The following PSMD14 variants were observed in gnomAD, a reference collection of about 807,000 sequenced individuals.
PSMD14 encodes ubiquitin C-terminal hydrolase PSMD14.
A neutral mutation model predicts 41.2 loss-of-function variants in PSMD14; 7 were observed. The ratio of observed to expected loss-of-function variants is 0.17; its 90% CI spans 0.10 to 0.32. PSMD14 has a LOEUF of 0.32. Ranked by LOEUF, PSMD14 falls within the 10% of genes least tolerant of loss-of-function variation. The probability of loss-of-function intolerance (pLI) is 1.00; values close to 1 mark genes in which losing one functional copy is unlikely to be tolerated. For synonymous variants in PSMD14, 114 were observed against 122.3 expected (o/e 0.93, Z 0.45); for missense variants, 139 against 375.6 (o/e 0.37, Z 5.21).
chr2:161,325,666 C>T (rs1682684399), intron 3 of PSMD14, among the ~76,000 whole-genome samples: 1 of 152,092 alleles, frequency 6.6e-6, no homozygotes, highest in African/African-American at 2.4e-5. Flanking sequence ...CAAACTGACT[C>T]TAGAATTCAT....
chr2:161,388,229 A>G (rs1683658409), intron 8 of PSMD14, among the ~76,000 whole-genome samples: 1 of 152,086 alleles, frequency 6.6e-6, no homozygotes, highest in Non-Finnish European at 1.5e-5. Flanking sequence ...GTACAGTTGC[A>G]TTGTTTAATA....
At position 161,371,927 on chromosome 2, in the gene PSMD14, TGTTTA is replaced by T. The variant is rs553598196; in HGVS notation, c.462+609_462+613del. Among the ~76,000 whole-genome samples the T allele has an allele frequency of 6.4e-4, 97 of 152,200 alleles. No homozygotes were observed. In the Middle Eastern group the frequency reaches 0.01, roughly 16 times the overall value. On this transcript the variant is annotated intron_variant, in intron 7 of 11. Coordinates refer to ENST00000409682, the MANE Select transcript of PSMD14 (RefSeq NM_005805.6). The stretch of plus-strand genomic sequence containing the variant: ...TCTTTGTTGAAACCCCTTTTGTTCT[TGTTTA>T]GTTCTCTTTCTCTTTTTTTGTTCAT...
rs537948567 is a variant in PSMD14, at chr2:161,341,997, C to T, written c.48+23124C>T. Among the ~76,000 whole-genome samples, 6 of 151,928 alleles carry T rather than the reference C, an allele frequency of 3.9e-5. No individual in the cohort carries two copies. The East Asian group carries it at 1.2e-3, about 29-fold the overall frequency. ...GAAGTTTTATAATTTTTAAATGTCG[C>T]ATTTTTGTTTGTGATCCATTTTGAA... On this transcript the variant is annotated intron_variant, in intron 3 of 11. Transcript: ENST00000409682.
At chr2:161,345,260 T>G (rs1311293973) in intron 3 of PSMD14, among the ~76,000 whole-genome samples, 1 of 83,882 alleles carries the variant, frequency 1.2e-5, no homozygotes, top group Admixed American at 1.3e-4. Flanking sequence ...TTTTTTTTTT[T>G]GAGACAGGGT....
chr2:161,401,012 G>A (rs1683871124), intron 10 of PSMD14, among the ~76,000 whole-genome samples: 1 of 152,208 alleles, frequency 6.6e-6, no homozygotes, highest in African/African-American at 2.4e-5. Flanking sequence ...ACCATTCTCA[G>A]TTAAGAAAGT....
At chr2:161,372,942 A>T (rs1683456999) in intron 7 of PSMD14, among the ~76,000 whole-genome samples, 1 of 151,844 alleles carries the variant, frequency 6.6e-6, no homozygotes, top group South Asian at 2.1e-4. Flanking sequence ...GACTCATGTG[A>T]TGGTGGCTAC....
intron 3 of PSMD14, among the ~76,000 whole-genome samples, chr2:161,334,120 G>A (rs1375734078): frequency 6.6e-6 from 1 of 152,142 alleles, no homozygotes; most frequent in East Asian, 1.9e-4. Context: ...ATCATCTGAG[G>A]TTGGGGGTTC....
intron 7 of PSMD14, among the ~76,000 whole-genome samples, chr2:161,379,016 A>G (rs1260920120): frequency 2.0e-5 from 3 of 152,036 alleles, no homozygotes; most frequent in African/African-American, 7.2e-5. Flanking sequence ...GTGGTGTTAC[A>G]GCACAAGCAA....
At chr2:161,318,094 C>A (rs778275296) in intron 2 of PSMD14, among the ~76,000 whole-genome samples, 1 of 152,092 alleles carries the variant, frequency 6.6e-6, no homozygotes, top group Non-Finnish European at 1.5e-5. Context: ...TATAGTAAAT[C>A]CACTTTGTAT....
At chr2:161,346,714 G>C (rs1574124668) in intron 3 of PSMD14, among the ~76,000 whole-genome samples, 1 of 151,654 alleles carries the variant, frequency 6.6e-6, no homozygotes, top group Non-Finnish European at 1.5e-5. Context: ...TTGTTTAGGA[G>C]TCATTATTTT....
chr2:161,313,203 C>G (rs115910799), intron 1 of PSMD14, among the ~76,000 whole-genome samples: 1 of 152,102 alleles, frequency 6.6e-6, no homozygotes, highest in Admixed American at 6.5e-5. Context: ...GTACTTGACT[C>G]TCATGTACCA....
intron 3 of PSMD14, among the ~76,000 whole-genome samples, chr2:161,327,985 A>ATGTGTGTGT (rs1559039112): frequency 7.6e-6 from 1 of 131,154 alleles, no homozygotes; most frequent in Non-Finnish European, 1.6e-5. Flanking sequence ...TGTGTGTGTG[A>ATGTGTGTGT]GATGTTGGTT....
At chr2:161,359,575 T>G (rs1243907503) in intron 3 of PSMD14, among the ~76,000 whole-genome samples, 1 of 152,188 alleles carries the variant, frequency 6.6e-6, no homozygotes, top group Non-Finnish European at 1.5e-5. Flanking sequence ...ATAGTGCATT[T>G]TGCTCTCTAT....
In PSMD14 at chr2:161,320,882, C is replaced by T. The variant is rs190162027; in HGVS notation, c.48+2009C>T. 3.6e-4 allele frequency among the ~76,000 whole-genome samples: 55 copies of T among 151,934 alleles called. 1 individual carries two copies. Among genetic ancestry groups the T allele is most frequent in the African/African-American group, 1.1e-3 (44 of 41,440 alleles). On this transcript the variant is annotated intron_variant, in intron 3 of 11. Transcript: ENST00000409682. ...CTGGGATTACAGGCGTTCACCACCA[C>T]GCCCAGCCGATTTTTGAATTTATAG...
At chr2:161,404,406 A>G (rs1275216315) in intron 10 of PSMD14, among the ~76,000 whole-genome samples, 1 of 152,198 alleles carries the variant, frequency 6.6e-6, no homozygotes, top group African/African-American at 2.4e-5. Context: ...AATCATAAGC[A>G]CTGTTATTAA....
At chr2:161,352,525 G>A (rs978631466) in intron 3 of PSMD14, among the ~76,000 whole-genome samples, 1 of 152,058 alleles carries the variant, frequency 6.6e-6, no homozygotes, top group Non-Finnish European at 1.5e-5. Context: ...TATATATACT[G>A]TGTATTTTCT....
chr2:161,327,984 G>GTGTGTGTGTGTGT (rs1559039102), intron 3 of PSMD14, among the ~76,000 whole-genome samples: 1 of 149,054 alleles, frequency 6.7e-6, no homozygotes, highest in Non-Finnish European at 1.5e-5. Context: ...GTGTGTGTGT[G>GTGTGTGTGTGTGT]AGATGTTGGT....
Position 161,367,885 on chromosome 2 carries a change from T to A in PSMD14, c.222T>A (p.Ala74=), listed in dbSNP as rs753668503. The change falls in exon 5 of 12, where the codon GCT becomes GCA. Residue 74 remains alanine, a synonymous_variant. Coordinates refer to ENST00000409682, the MANE Select transcript of PSMD14 (RefSeq NM_005805.6). ...DYTVRVIDVF[A]MPQSGTGVSV... is the part of the protein sequence containing the mutation. ...CCGTCAGAGTGATTGATGTGTTTGC[T>A]ATGCCACAGTCAGGAACAGTGAGTA... The A allele has an allele frequency of 6.2e-7, 1 of 1,613,244 alleles. No homozygotes were observed. Among genetic ancestry groups the A allele is most frequent in the Non-Finnish European group, 8.5e-7 (1 of 1,179,508 alleles).
At chr2:161,375,233 C>T (rs184914719) in intron 7 of PSMD14, among the ~76,000 whole-genome samples, 97 of 152,030 alleles carry the variant, frequency 6.4e-4, no homozygotes, top group African/African-American at 2.2e-3. Context: ...AAATTATATA[C>T]ATTTAGTGTT....
Sources: gnomAD v4.1 joint callset for allele counts (sites outside exome capture counted in the v4.1 genomes callset) on GRCh38, gnomAD v4.1.1 for gene constraint, MANE v1.5 for transcripts, NCBI Gene and HGNC (gene_info 2026-07-23, HGNC 2026-07-21) for gene names.